LAMA2: variants seen among roughly 807,000 people sequenced by gnomAD.
LAMA2 encodes laminin subunit alpha-2.
A neutral mutation model predicts 364.8 loss-of-function variants in LAMA2; 269 were observed. The ratio of observed to expected loss-of-function variants is 0.74; its 90% CI spans 0.67 to 0.82. The LOEUF (loss-of-function observed/expected upper bound fraction) is 0.82. Ranked by LOEUF, LAMA2 falls within the 40% of genes least tolerant of loss-of-function variation. The pLI is 0.00. For missense variants in LAMA2, 3,807 were observed against 3,873.2 expected, an observed-to-expected ratio of 0.98 and a Z score of 0.45; for synonymous variants, 1,379 against 1,370.6, an observed-to-expected ratio of 1.01 and a Z score of -0.14.
intron 52 of LAMA2, among the ~76,000 whole-genome samples, chr6:129,474,409 T>C (rs950534757): frequency 6.6e-6 from 1 of 152,180 alleles, no homozygotes. Context: ...TCTGCATTCA[T>C]TGTAATGTAT....
chr6:129,201,391 A>T (rs1782275578), intron 12 of LAMA2, among the ~76,000 whole-genome samples: 2 of 152,220 alleles, frequency 1.3e-5, no homozygotes, highest in African/African-American at 2.4e-5. Flanking sequence ...CTGCAAAGAG[A>T]AACCGGAGTA....
chr6:129,461,272 G>A (rs1192263614), intron 49 of LAMA2, among the ~76,000 whole-genome samples: 2 of 151,948 alleles, frequency 1.3e-5, no homozygotes, highest in Admixed American at 6.6e-5. Context: ...TCCTAGCAAA[G>A]TACACTTCAC....
At chr6:129,066,612 T>TGCAGAATA (rs1789372767) in intron 3 of LAMA2, among the ~76,000 whole-genome samples, 1 of 151,936 alleles carries the variant, frequency 6.6e-6, no homozygotes, top group South Asian at 2.1e-4. Context: ...CCACAAAAGG[T>TGCAGAATA]GCTAAAGCAA....
intron 1 of LAMA2, among the ~76,000 whole-genome samples, chr6:128,998,078 G>A (rs1242337400): frequency 6.6e-6 from 1 of 152,048 alleles, no homozygotes; most frequent in Non-Finnish European, 1.5e-5. Context: ...TCAAGGAAAG[G>A]GCCATGGGAG....
At chr6:129,103,046 A>G (rs113598763) in intron 4 of LAMA2, among the ~76,000 whole-genome samples, 3 of 152,352 alleles carry the variant, frequency 2.0e-5, no homozygotes, top group African/African-American at 7.2e-5. Flanking sequence ...TCAGTCTCTC[A>G]GCCATGTGTC....
At chr6:129,352,511 C>G (rs1038367918) in intron 31 of LAMA2, among the ~76,000 whole-genome samples, 2 of 152,128 alleles carry the variant, frequency 1.3e-5, no homozygotes, top group African/African-American at 4.8e-5. Flanking sequence ...ATCTGAGTAG[C>G]CTATTGCCAC....
chr6:129,095,754 CAA>C (rs57713069), intron 3 of LAMA2, among the ~76,000 whole-genome samples: 39 of 93,954 alleles, frequency 4.2e-4, no homozygotes, highest in Middle Eastern at 6.7e-3. Context: ...CTACTAAATA[CAA>C]AAAAAAAAAA....
intron 12 of LAMA2, among the ~76,000 whole-genome samples, chr6:129,216,061 C>G (rs925927391): frequency 7.9e-5 from 12 of 152,052 alleles, no homozygotes; most frequent in African/African-American, 2.9e-4. Context: ...AAAATGAGCT[C>G]AAGATATTAT....
chr6:129,245,112 T>A (rs972409313), intron 12 of LAMA2, among the ~76,000 whole-genome samples: 1 of 152,120 alleles, frequency 6.6e-6, no homozygotes, highest in Non-Finnish European at 1.5e-5. Flanking sequence ...CTCAATTTGA[T>A]ATCTGAATCT....
chr6:128,976,148 T>G, intron 1 of LAMA2, among the ~76,000 whole-genome samples: 2 of 152,334 alleles, frequency 1.3e-5, no homozygotes, highest in East Asian at 1.9e-4. Context: ...TGACAGGATT[T>G]TTTTTGTATT....
chr6:129,222,713 A>G (rs936062419), intron 12 of LAMA2, among the ~76,000 whole-genome samples: 4 of 151,998 alleles, frequency 2.6e-5, no homozygotes, highest in African/African-American at 4.8e-5. Context: ...TGGTGTATAC[A>G]TGCCACATTT....
At chr6:129,120,078 C>G (rs1269272983) in intron 4 of LAMA2, among the ~76,000 whole-genome samples, 1 of 152,020 alleles carries the variant, frequency 6.6e-6, no homozygotes, top group Admixed American at 6.5e-5. Context: ...ATTGTTGGGT[C>G]CATAAAAGAA....
chr6:128,901,083 G>C (rs1777055263), intron 1 of LAMA2, among the ~76,000 whole-genome samples: 1 of 152,218 alleles, frequency 6.6e-6, no homozygotes, highest in Non-Finnish European at 1.5e-5. Context: ...CTTGAACCCG[G>C]GAGGTCGAGG....
At chr6:129,210,566 T>C (rs929254580) in intron 12 of LAMA2, among the ~76,000 whole-genome samples, 1 of 152,094 alleles carries the variant, frequency 6.6e-6, no homozygotes, top group Non-Finnish European at 1.5e-5. Context: ...TGCGTGAGGA[T>C]TGAAGATAGC....
intron 32 of LAMA2, among the ~76,000 whole-genome samples, chr6:129,359,293 T>C (rs933572413): frequency 4.7e-5 from 7 of 148,042 alleles, no homozygotes; most frequent in African/African-American, 1.5e-4. Flanking sequence ...TATAAAAATA[T>C]ATAAAATATA....
intron 1 of LAMA2, among the ~76,000 whole-genome samples, chr6:128,964,480 T>C (rs1781722942): frequency 6.6e-6 from 1 of 152,086 alleles, no homozygotes; most frequent in African/African-American, 2.4e-5. Context: ...TCAGCTGTCA[T>C]AATATTTGGC....
chr6:129,351,710 T>C (rs1242631377), intron 31 of LAMA2, among the ~76,000 whole-genome samples: 1 of 152,152 alleles, frequency 6.6e-6, no homozygotes, highest in African/African-American at 2.4e-5. Context: ...ATACTTTATT[T>C]TCAATACTCT....
At chr6:129,328,561 A>G (rs1199374370) in intron 29 of LAMA2, 149 bp downstream of exon 29, 1 of 1,337,280 alleles carries the variant, frequency 7.5e-7, no homozygotes, top group Admixed American at 1.9e-5. Context: ...ATATTCACAG[A>G]TTCTGCATTT....
chr6:129,449,920 A>G lies in LAMA2; in HGVS notation c.6430-3068A>G, dbSNP rs142446519. ...CAGGTTCAAGCAATTCTCCTGCCTCAGCCTCCTGAGTAGCTGGGACTACAG... is the reference window on the plus strand; with the variant it reads ...CAGGTTCAAGCAATTCTCCTGCCTCGGCCTCCTGAGTAGCTGGGACTACAG... On this transcript the variant is annotated intron_variant, in intron 45 of 64. Transcript: ENST00000421865. Among the ~76,000 whole-genome samples, 539 of 149,886 alleles carry G rather than the reference A, an allele frequency of 3.6e-3. 3 individuals are homozygous for G. Among genetic ancestry groups the G allele is most frequent in the African/African-American group, 0.013 (513 of 40,584 alleles).
Sources: gnomAD v4.1 joint callset for allele counts (sites outside exome capture counted in the v4.1 genomes callset) on GRCh38, gnomAD v4.1.1 for gene constraint, MANE v1.5 for transcripts, NCBI Gene and HGNC (gene_info 2026-07-23, HGNC 2026-07-21) for gene names.